UBE2E2: variants seen among roughly 807,000 people sequenced by gnomAD.
UBE2E2 encodes ubiquitin conjugating enzyme E2 E2.
Under a neutral mutation model 24.7 loss-of-function variants are expected in UBE2E2, and 6 were observed. That is an observed-to-expected ratio of 0.24 (90% confidence interval 0.13 to 0.48). The LOEUF is 0.48. Ranked by LOEUF, UBE2E2 falls within the 20% of genes least tolerant of loss-of-function variation. The pLI is 0.99. For missense variants in UBE2E2, 169 were observed against 245.0 expected (o/e 0.69, Z 2.07); for synonymous variants, 104 against 83.6 (o/e 1.24, Z -1.33).
At position 23,221,279 on chromosome 3, in the gene UBE2E2, A is replaced by G. The variant is rs1423947149; in HGVS notation, c.227+3967A>G. On this transcript the variant is annotated intron_variant, in intron 3 of 5. Coordinates refer to ENST00000396703, the MANE Select transcript of UBE2E2 (RefSeq NM_152653.4). ...CATGGAACACTGGCGCTGCTTTTTA[A>G]TTTTGTCTTTTATTTGATAACAGCT... Among the ~76,000 whole-genome samples the G allele has an allele frequency of 2.6e-5, 4 of 152,074 alleles. No homozygotes were observed. The East Asian group carries it at 5.8e-4, about 22-fold the overall frequency.
Position 23,453,033 on chromosome 3 carries a change from GA to G in UBE2E2, c.228-46570del, listed in dbSNP as rs149904083. Among the ~76,000 whole-genome samples the G allele has an allele frequency of 3.4e-3, 525 of 152,198 alleles. 11 individuals carry two copies. The East Asian group carries it at 0.055, about 16-fold the overall frequency. On this transcript the variant is annotated intron_variant, in intron 3 of 5. Coordinates refer to ENST00000396703, the MANE Select transcript of UBE2E2 (RefSeq NM_152653.4). ...TGTCCCATTTTTAATAGTATCCTTA[GA>G]AAAATAACTGCTCTTCAAAGTAAAT...
At chr3:23,445,111 TTAGCAA>T (rs1251633668) in intron 3 of UBE2E2, among the ~76,000 whole-genome samples, 3 of 152,232 alleles carry the variant, frequency 2.0e-5, no homozygotes, top group Non-Finnish European at 4.4e-5. Context: ...GTTTACGCAT[TTAGCAA>T]TAGCTTTTCA....
chr3:23,402,634 T>A (rs1405883394), intron 3 of UBE2E2, among the ~76,000 whole-genome samples: 1 of 152,170 alleles, frequency 6.6e-6, no homozygotes, highest in Non-Finnish European at 1.5e-5. Flanking sequence ...TTAGAAAAAA[T>A]AACTTCATCT....
At chr3:23,252,415 G>A (rs1475864365) in intron 3 of UBE2E2, among the ~76,000 whole-genome samples, 3 of 152,138 alleles carry the variant, frequency 2.0e-5, no homozygotes, top group Non-Finnish European at 2.9e-5. Context: ...TGCAGACAAT[G>A]TGTATGAAAA....
At chr3:23,355,704 A>C (rs935977288) in intron 3 of UBE2E2, among the ~76,000 whole-genome samples, 2 of 152,194 alleles carry the variant, frequency 1.3e-5, no homozygotes, top group African/African-American at 4.8e-5. Flanking sequence ...AATTACTGTC[A>C]CAGTCTCCGT....
At chr3:23,482,841 A>C (rs1009535295) in intron 3 of UBE2E2, among the ~76,000 whole-genome samples, 1 of 152,190 alleles carries the variant, frequency 6.6e-6, no homozygotes, top group Non-Finnish European at 1.5e-5. Flanking sequence ...GAAGATGATG[A>C]ATGTGAAAAT....
At chr3:23,345,958 C>T (rs137948910) in intron 3 of UBE2E2, among the ~76,000 whole-genome samples, 133 of 152,282 alleles carry the variant, frequency 8.7e-4, no homozygotes, top group African/African-American at 3.1e-3. Context: ...CAACGGCAGA[C>T]AGCAGAAACT....
intron 3 of UBE2E2, among the ~76,000 whole-genome samples, chr3:23,402,482 G>C (rs35901544): frequency 6.6e-6 from 1 of 151,994 alleles, no homozygotes; most frequent in Non-Finnish European, 1.5e-5. Flanking sequence ...TGAGTGTCAG[G>C]GTTGATTAAA....
At chr3:23,467,406 T>G (rs1409385633) in intron 3 of UBE2E2, among the ~76,000 whole-genome samples, 1 of 152,234 alleles carries the variant, frequency 6.6e-6, no homozygotes, top group Non-Finnish European at 1.5e-5. Flanking sequence ...ATGTGAATTT[T>G]GGAATCCAAC....
chr3:23,477,760 C>T (rs779323365), intron 3 of UBE2E2, among the ~76,000 whole-genome samples: 6 of 152,060 alleles, frequency 3.9e-5, no homozygotes, highest in Non-Finnish European at 5.9e-5. Flanking sequence ...TGTCCCCACT[C>T]AAATCTCATC....
At chr3:23,556,208 G>A (rs1446055523) in intron 5 of UBE2E2, among the ~76,000 whole-genome samples, 4 of 137,886 alleles carry the variant, frequency 2.9e-5, no homozygotes, top group African/African-American at 1.1e-4. Context: ...GCAGTGGTGC[G>A]ATCTCAGCTC....
intron 3 of UBE2E2, among the ~76,000 whole-genome samples, chr3:23,459,990 G>GGGTA (rs1698773797): frequency 1.3e-5 from 2 of 152,196 alleles, no homozygotes; most frequent in Admixed American, 1.3e-4. Context: ...CTGTGAGTTT[G>GGGTA]GGTAGGGGTC....
chr3:23,530,832 A>G (rs1695107945), intron 4 of UBE2E2, among the ~76,000 whole-genome samples: 1 of 152,140 alleles, frequency 6.6e-6, no homozygotes, highest in Non-Finnish European at 1.5e-5. Context: ...CCTCCACTTT[A>G]TTAAGACTGA....
chr3:23,322,346 C>A (rs182226561), intron 3 of UBE2E2, among the ~76,000 whole-genome samples: 43 of 152,220 alleles, frequency 2.8e-4, no homozygotes, highest in African/African-American at 1.0e-3. Context: ...ACATTTAGTG[C>A]CTGCACTTAA....
At chr3:23,452,063 G>A (rs1698571978) in intron 3 of UBE2E2, among the ~76,000 whole-genome samples, 1 of 152,182 alleles carries the variant, frequency 6.6e-6, no homozygotes, top group Admixed American at 6.5e-5. Flanking sequence ...TCTTTGAGAT[G>A]TTTTTCTGGG....
chr3:23,352,234 G>T (rs1426971394), intron 3 of UBE2E2, among the ~76,000 whole-genome samples: 1 of 151,944 alleles, frequency 6.6e-6, no homozygotes, highest in African/African-American at 2.4e-5. Context: ...ATTCAAAGCA[G>T]TGTGTAGAGG....
At position 23,537,177 on chromosome 3, in the gene UBE2E2, T is replaced by C. The variant is rs539490324; in HGVS notation, c.508+4476T>C. ...TCTGACCCTGGCTTGTGTATTTCAT[T>C]CCCCTGTCGTCTGCCTTCAGACCAT... is the stretch of plus-strand genomic sequence containing the variant. On this transcript the variant is annotated intron_variant, in intron 5 of 5. Coordinates refer to ENST00000396703, the MANE Select transcript of UBE2E2 (RefSeq NM_152653.4). Among the ~76,000 whole-genome samples, 13 of 152,318 alleles carry C rather than the reference T, an allele frequency of 8.5e-5. No individual in the cohort carries two copies. In the East Asian group the frequency reaches 2.5e-3, roughly 29 times the overall value.
chr3:23,379,930 A>ATC (rs1696624311), intron 3 of UBE2E2, among the ~76,000 whole-genome samples: 1 of 152,110 alleles, frequency 6.6e-6, no homozygotes, highest in Non-Finnish European at 1.5e-5. Context: ...GAAGTGAGAG[A>ATC]TAAGTTTGGA....
chr3:23,309,971 T>C (rs1694318078), intron 3 of UBE2E2, among the ~76,000 whole-genome samples: 1 of 152,108 alleles, frequency 6.6e-6, no homozygotes, highest in Non-Finnish European at 1.5e-5. Flanking sequence ...TCACAGAAGC[T>C]ATCTAAAAAG....
Sources: gnomAD v4.1 joint callset for allele counts (sites outside exome capture counted in the v4.1 genomes callset) on GRCh38, gnomAD v4.1.1 for gene constraint, MANE v1.5 for transcripts, NCBI Gene and HGNC (gene_info 2026-07-23, HGNC 2026-07-21) for gene names.